The following OR1L8 variants were observed in gnomAD, a reference collection of about 807,000 sequenced individuals.
OR1L8 encodes olfactory receptor family 1 subfamily L member 8, also known as olfactory receptor 1L8.
For synonymous variants in OR1L8, 148 were observed against 147.0 expected (o/e 1.01, Z -0.05); for missense variants, 330 against 377.4 (o/e 0.87, Z 1.04).
At chr9:122,563,125 T>C (rs1232060872), downstream of OR1L8, among the ~76,000 whole-genome samples, 1 of 152,184 alleles carries the variant, frequency 6.6e-6, no homozygotes, top group Non-Finnish European at 1.5e-5. Flanking sequence ...TACTAATTTA[T>C]ATTCTCACCA....
intron 4 of OR1L8, among the ~76,000 whole-genome samples, chr9:122,569,822 C>G (rs1017009402): frequency 3.3e-5 from 5 of 151,962 alleles, no homozygotes; most frequent in Non-Finnish European, 5.9e-5. Context: ...AAAGCTATCC[C>G]TCCCCCCTGC....
chr9:122,551,134 A>G, the OR1L8 span, among the ~76,000 whole-genome samples: 1 of 152,192 alleles, frequency 6.6e-6, no homozygotes, highest in East Asian at 1.9e-4. Context: ...TGAGAACCAA[A>G]TCAAGACCTC....
the OR1L8 span, among the ~76,000 whole-genome samples, chr9:122,555,234 A>G: frequency 6.6e-6 from 1 of 152,228 alleles, no homozygotes. Flanking sequence ...AAAGGAAGGT[A>G]TGCCCTTTTG....
the OR1L8 span, among the ~76,000 whole-genome samples, chr9:122,558,339 G>A: frequency 2.4e-3 from 48 of 20,168 alleles, no homozygotes; most frequent in African/African-American, 8.8e-3. Context: ...TTTTTTTTTT[G>A]CAAAAGAAGG....
At position 122,572,857 on chromosome 9, in the gene OR1L8, T is replaced by C. The variant is rs1829578158; in HGVS notation, c.-290A>G. The C allele has an allele frequency of 6.6e-6, 1 of 152,262 alleles. No individual in the cohort carries two copies. The highest frequency in any genetic ancestry group is 6.5e-5 in the Admixed American group (1 of 15,284). The allele number at this position is 152,262 out of a possible 1,614,324, so 9.4% of individuals were successfully genotyped here. On this transcript the variant is annotated 5_prime_UTR_variant, in exon 4 of 5. Transcript: ENST00000641027. ...TCTGCACATCTGTGATTTCCAACTC[T>C]GCTTCTTAGCCAAAGCTCAGCTTCC... is the stretch of plus-strand genomic sequence containing the variant.
chr9:122,555,818 C>T, the OR1L8 span, among the ~76,000 whole-genome samples: 26 of 152,198 alleles, frequency 1.7e-4, no homozygotes, highest in African/African-American at 6.0e-4. Context: ...CACAATCTCC[C>T]GAACTAATCC....
rs1023697152 is a variant in OR1L8 at position 122,577,340 on chromosome 9, G to A, written c.-477-439C>T. The stretch of plus-strand genomic sequence containing the variant: ...ATTGTAGGCAGACTTCAAATTTAAG[G>A]GCTTACAATAACTTTACTTAGCCAA... On this transcript the variant is annotated intron_variant, in intron 2 of 4. Transcript: ENST00000641027. Among the ~76,000 whole-genome samples the A allele has an allele frequency of 5.9e-5, 9 of 152,116 alleles. 2 individuals are homozygous for A. Among genetic ancestry groups the A allele is most frequent in the Non-Finnish European group, 2.9e-5 (2 of 67,988 alleles).
At chr9:122,557,923 G>T in the OR1L8 span, among the ~76,000 whole-genome samples, 9 of 151,908 alleles carry the variant, frequency 5.9e-5, no homozygotes, top group Non-Finnish European at 1.0e-4. Flanking sequence ...ATTTCTTCTT[G>T]TATGGGTTTT....
intron 1 of OR1L8, among the ~76,000 whole-genome samples, chr9:122,581,933 G>GAATA (rs1348505970): frequency 6.6e-6 from 1 of 151,400 alleles, no homozygotes; most frequent in African/African-American, 2.4e-5. Flanking sequence ...ATAAATAAAT[G>GAATA]AATAAATAAG....
chr9:122,552,057 A>ACTCT, the OR1L8 span, among the ~76,000 whole-genome samples: 5,639 of 144,050 alleles, frequency 0.039, 131 homozygotes, highest in Middle Eastern at 0.079. Flanking sequence ...ACACACATAC[A>ACTCT]CTCTCTCTCT....
chr9:122,560,587 G>T, the OR1L8 span, among the ~76,000 whole-genome samples: 1 of 152,088 alleles, frequency 6.6e-6, no homozygotes, highest in Non-Finnish European at 1.5e-5. Flanking sequence ...TACTTATGAA[G>T]CTTAGTTTGG....
At chr9:122,560,032 T>C in the OR1L8 span, among the ~76,000 whole-genome samples, 1 of 152,228 alleles carries the variant, frequency 6.6e-6, no homozygotes, top group Admixed American at 6.5e-5. Flanking sequence ...TGCAAATATA[T>C]TTAAGATAGT....
intron 1 of OR1L8, among the ~76,000 whole-genome samples, chr9:122,582,120 G>GAT (rs1316650384): frequency 2.6e-5 from 4 of 152,078 alleles, no homozygotes; most frequent in Non-Finnish European, 5.9e-5. Flanking sequence ...TATTTTTGGA[G>GAT]ATAGCAAGAA....
the OR1L8 span, among the ~76,000 whole-genome samples, chr9:122,556,833 A>T: frequency 1.3e-5 from 2 of 152,194 alleles, no homozygotes; most frequent in African/African-American, 4.8e-5. Context: ...TCTATTAATC[A>T]AGTTGGGAAG....
At chr9:122,573,838 T>A (rs1213387219) in intron 3 of OR1L8, among the ~76,000 whole-genome samples, 1 of 152,192 alleles carries the variant, frequency 6.6e-6, no homozygotes, top group Middle Eastern at 3.2e-3. Flanking sequence ...TCATCTAGAT[T>A]TTCTCTTATG....
the OR1L8 span, among the ~76,000 whole-genome samples, chr9:122,550,232 C>T: frequency 6.6e-6 from 1 of 152,082 alleles, no homozygotes; most frequent in Non-Finnish European, 1.5e-5. Flanking sequence ...TAAACCAATA[C>T]TGAGTAGTGA....
At chr9:122,565,905 T>C (rs1029174384), downstream of OR1L8, among the ~76,000 whole-genome samples, 1 of 152,220 alleles carries the variant, frequency 6.6e-6, no homozygotes, top group Non-Finnish European at 1.5e-5. Flanking sequence ...ACTGGACTCC[T>C]AAACTCAGGC....
At chr9:122,571,364 A>T (rs765507037) in intron 4 of OR1L8, among the ~76,000 whole-genome samples, 3 of 151,980 alleles carry the variant, frequency 2.0e-5, no homozygotes, top group African/African-American at 4.8e-5. Flanking sequence ...ATCCTGGCCA[A>T]CACGGTTAAA....
intron 3 of OR1L8, among the ~76,000 whole-genome samples, chr9:122,574,323 C>T (rs369414767): frequency 1.3e-5 from 2 of 152,044 alleles, no homozygotes; most frequent in Admixed American, 6.6e-5. Flanking sequence ...AATATTGAGC[C>T]TTCTTATTCA....
Sources: allele counts gnomAD v4.1 joint callset (sites outside exome capture counted in the v4.1 genomes callset), GRCh38; gene constraint gnomAD v4.1.1; transcripts MANE v1.5; gene names NCBI Gene and HGNC (gene_info 2026-07-23, HGNC 2026-07-21).